DNAJC3: variants seen among roughly 807,000 people sequenced by gnomAD.
DNAJC3 encodes dnaJ homolog subfamily C member 3.
Under a neutral mutation model 68.6 loss-of-function variants are expected in DNAJC3, and 38 were observed. The observed-to-expected ratio is 0.55, with a 90% confidence interval of 0.43 to 0.73. DNAJC3 has a LOEUF of 0.73. DNAJC3 is among the 30% of genes least tolerant of loss of function. The pLI, the probability that DNAJC3 is intolerant of heterozygous loss-of-function variation, is 0.00. For missense variants in DNAJC3, 526 were observed against 591.9 expected, an observed-to-expected ratio of 0.89 and a Z score of 1.16; for synonymous variants, 203 against 204.0, an observed-to-expected ratio of 1.00 and a Z score of 0.04.
Position 95,791,141 on chromosome 13 carries a change from C to CAAAG in DNAJC3, c.*113_*116dup, listed in dbSNP as rs142019577. On this transcript the variant is annotated 3_prime_UTR_variant, in exon 12 of 12. Coordinates refer to ENST00000602402, the MANE Select transcript of DNAJC3 (RefSeq NM_006260.5). ...CAAATCTTTTCAGTTTGTCCATGAC[C>CAAAG]AAAGAGTTGCTTTAATAGGAAAAAA... 1.7e-3 allele frequency: 2,189 copies of CAAAG among 1,265,484 alleles called. 32 individuals carry two copies. The African/African-American group carries it at 0.03, about 17-fold the overall frequency. 78.4% of individuals were successfully genotyped at this position (1,265,484 alleles called of 1,614,324 possible).
At chr13:95,773,000 G>GA (rs1368615279) in intron 9 of DNAJC3, among the ~76,000 whole-genome samples, 1 of 151,486 alleles carries the variant, frequency 6.6e-6, no homozygotes, top group Non-Finnish European at 1.5e-5. Flanking sequence ...GTTCAAAATT[G>GA]TCCCTCCTCT....
chr13:95,696,872 A>T (rs1219022772), intron 1 of DNAJC3, among the ~76,000 whole-genome samples: 1 of 152,032 alleles, frequency 6.6e-6, no homozygotes. Context: ...CAGCCTCCTG[A>T]GTAGCTGGGA....
chr13:95,678,704 T>A (rs1207367646), intron 1 of DNAJC3, among the ~76,000 whole-genome samples: 1 of 152,178 alleles, frequency 6.6e-6, no homozygotes, highest in African/African-American at 2.4e-5. Flanking sequence ...TAAGAGAAAG[T>A]TGCCTATGTT....
At chr13:95,777,640 A>C (rs1419453146) in intron 9 of DNAJC3, among the ~76,000 whole-genome samples, 2 of 152,224 alleles carry the variant, frequency 1.3e-5, no homozygotes, top group Non-Finnish European at 2.9e-5. Context: ...AGAATCTATG[A>C]ATATATCTGA....
rs1193979630 is a variant in DNAJC3, at chr13:95,704,851, G to GTTTTTTTTT, written c.83-4366_83-4358dup. Among the ~76,000 whole-genome samples, 190 of 97,736 alleles carry GTTTTTTTTT rather than the reference G, an allele frequency of 1.9e-3. 32 individuals are homozygous for GTTTTTTTTT. The highest frequency in any genetic ancestry group is 0.01 in the African/African-American group (169 of 16,646). 64.1% of individuals were successfully genotyped at this position (97,736 alleles called of 152,430 possible). On this transcript the variant is annotated intron_variant, in intron 1 of 11. Coordinates refer to ENST00000602402, the MANE Select transcript of DNAJC3 (RefSeq NM_006260.5). ...AGAAAGGACTAATCTGTGTGTGTGT[G>GTTTTTTTTT]TTTTTTTTTTTTTTTTTTGAGACAG...
intron 1 of DNAJC3, among the ~76,000 whole-genome samples, chr13:95,686,025 G>T (rs989352560): frequency 2.0e-5 from 3 of 150,112 alleles, no homozygotes; most frequent in Non-Finnish European, 4.4e-5. Flanking sequence ...GCAGTGGCAC[G>T]ATCTTGGCTC....
At chr13:95,688,018 A>G (rs930884994) in intron 1 of DNAJC3, among the ~76,000 whole-genome samples, 38 of 151,868 alleles carry the variant, frequency 2.5e-4, no homozygotes, top group African/African-American at 8.5e-4. Flanking sequence ...ATTCCTAGGT[A>G]TTTTACTTTT....
chr13:95,677,819 A>G (rs1298962049), intron 1 of DNAJC3, among the ~76,000 whole-genome samples: 2 of 152,164 alleles, frequency 1.3e-5, no homozygotes, highest in Non-Finnish European at 2.9e-5. Context: ...TGGAGGGGAC[A>G]GTGTTGACTA....
At chr13:95,711,227 G>A (rs1880948956) in intron 2 of DNAJC3, among the ~76,000 whole-genome samples, 1 of 152,162 alleles carries the variant, frequency 6.6e-6, no homozygotes. Context: ...GGCTGGGCAT[G>A]GTGGCCCACG....
chr13:95,721,439 T>C (rs912890970), intron 2 of DNAJC3, among the ~76,000 whole-genome samples: 1 of 152,214 alleles, frequency 6.6e-6, no homozygotes, highest in Admixed American at 6.5e-5. Flanking sequence ...AGGAGTAGAA[T>C]TGCTGGCCCA....
At chr13:95,699,602 G>T (rs1348406463) in intron 1 of DNAJC3, among the ~76,000 whole-genome samples, 1 of 152,182 alleles carries the variant, frequency 6.6e-6, no homozygotes, top group Non-Finnish European at 1.5e-5. Context: ...GTGCTGAAAA[G>T]AAAACTGGTC....
At chr13:95,711,312 A>T (rs1012659176) in intron 2 of DNAJC3, among the ~76,000 whole-genome samples, 14 of 152,128 alleles carry the variant, frequency 9.2e-5, no homozygotes, top group African/African-American at 3.4e-4. Flanking sequence ...AGCCCGGACA[A>T]CATGGTGAAA....
chr13:95,692,535 C>A (rs1169265031), intron 1 of DNAJC3: 1 of 151,934 alleles, frequency 6.6e-6, no homozygotes, highest in Non-Finnish European at 1.5e-5. Flanking sequence ...ATAATAATAA[C>A]CCCAGGGCCC....
At position 95,679,863 on chromosome 13, in the gene DNAJC3, G is replaced by A. The variant is rs949296903; in HGVS notation, c.82+2526G>A. Among the ~76,000 whole-genome samples, 4 of 152,228 alleles carry A rather than the reference G, an allele frequency of 2.6e-5. No homozygotes were observed. In the East Asian group the frequency reaches 7.7e-4, roughly 29 times the overall value. ...ATGAAGGAGAATGGTTATGAGAGAA[G>A]TGAATGTGGAACTAAGAGTGGCACA... On this transcript the variant is annotated intron_variant, in intron 1 of 11. Transcript: ENST00000602402.
At chr13:95,784,352 A>G (rs1272982399) in intron 9 of DNAJC3, among the ~76,000 whole-genome samples, 1 of 152,184 alleles carries the variant, frequency 6.6e-6, no homozygotes, top group Non-Finnish European at 1.5e-5. Flanking sequence ...GAAAAAGCAA[A>G]GTCAGCACAG....
At chr13:95,746,024 G>C (rs1188149451) in intron 4 of DNAJC3, among the ~76,000 whole-genome samples, 1 of 152,142 alleles carries the variant, frequency 6.6e-6, no homozygotes, top group East Asian at 1.9e-4. Flanking sequence ...GGAAATTGAG[G>C]CTTAGAGCAG....
At chr13:95,695,796 C>T (rs953497002) in intron 1 of DNAJC3, 5 of 152,166 alleles carry the variant, frequency 3.3e-5, no homozygotes, top group East Asian at 1.9e-4. Flanking sequence ...AAAGCATTCC[C>T]GCTTCACCGT....
intron 1 of DNAJC3, among the ~76,000 whole-genome samples, chr13:95,697,792 T>TG (rs1880486478): frequency 6.6e-6 from 1 of 151,240 alleles, no homozygotes; most frequent in African/African-American, 2.4e-5. Context: ...AGAAGTTTTT[T>TG]TTTTTTTTTT....
intron 1 of DNAJC3, among the ~76,000 whole-genome samples, chr13:95,697,022 T>G (rs919030925): frequency 6.6e-6 from 1 of 152,192 alleles, no homozygotes; most frequent in African/African-American, 2.4e-5. Context: ...CCATTTACCT[T>G]CAAGGTTAAT....
Sources: allele counts gnomAD v4.1 joint callset (sites outside exome capture counted in the v4.1 genomes callset), GRCh38; gene constraint gnomAD v4.1.1; transcripts MANE v1.5; gene names NCBI Gene and HGNC (gene_info 2026-07-23, HGNC 2026-07-21).